AMMECR1: variants seen among roughly 807,000 people sequenced by gnomAD.
The protein encoded by AMMECR1 is nuclear protein AMMECR1.
A neutral mutation model predicts 22.5 loss-of-function variants in AMMECR1; 3 were observed. The ratio of observed to expected loss-of-function variants is 0.13; its 90% CI spans 0.06 to 0.35. The LOEUF is 0.35. Among genes scored for constraint, AMMECR1 ranks in the 10% least tolerant of loss-of-function variants. The probability of loss-of-function intolerance (pLI) is 1.00; values close to 1 mark genes in which losing one functional copy is unlikely to be tolerated. For synonymous variants in AMMECR1, 130 were observed against 116.7 expected (o/e 1.11, Z -0.74); for missense variants, 235 against 278.7 (o/e 0.84, Z 1.12).
intron 2 of AMMECR1, among the ~76,000 whole-genome samples, chrX:110,403,285 A>C (rs2068577099): frequency 8.9e-6 from 1 of 112,236 alleles, no homozygotes; most frequent in South Asian, 3.7e-4. Context: ...GGTACTATGG[A>C]GCTAAATAAT....
chrX:110,231,070 G>A (rs1255381507), intron 2 of AMMECR1, among the ~76,000 whole-genome samples: 1 of 112,376 alleles, frequency 8.9e-6, no homozygotes, highest in East Asian at 2.8e-4. Context: ...ACCTGAAAGT[G>A]ATGGGGAGAA....
chrX:110,350,836 G>A (rs1367007303), intron 2 of AMMECR1, among the ~76,000 whole-genome samples: 2 of 110,077 alleles, frequency 1.8e-5, no homozygotes, highest in African/African-American at 6.6e-5. Flanking sequence ...GCTGGGCATG[G>A]TGGCACGCAC....
intron 2 of AMMECR1, among the ~76,000 whole-genome samples, chrX:110,238,427 G>A (rs778149076): frequency 1.1e-4 from 12 of 112,188 alleles, no homozygotes; most frequent in South Asian, 3.7e-4. Context: ...AAACAAAGCC[G>A]CCAGGAAGTT....
intron 2 of AMMECR1, among the ~76,000 whole-genome samples, chrX:110,323,209 A>G (rs2068085756): frequency 8.9e-6 from 1 of 112,392 alleles, no homozygotes; most frequent in African/African-American, 3.2e-5. Flanking sequence ...TTTCCTCCAG[A>G]ATTCTCTGGT....
intron 2 of AMMECR1, chrX:110,225,020 C>A (rs1303565222): frequency 2.7e-6 from 1 of 373,299 alleles, no homozygotes; most frequent in Non-Finnish European, 5.2e-6. Flanking sequence ...TCCTCACTAC[C>A]ACATGGGGAT....
intron 2 of AMMECR1, among the ~76,000 whole-genome samples, chrX:110,376,146 A>G (rs2068375285): frequency 9.0e-6 from 1 of 111,444 alleles, no homozygotes; most frequent in African/African-American, 3.3e-5. Context: ...GCCAGTGGGA[A>G]AAAAACTGCA....
intron 2 of AMMECR1, among the ~76,000 whole-genome samples, chrX:110,354,620 C>T (rs2068223381): frequency 9.0e-6 from 1 of 111,731 alleles, no homozygotes; most frequent in African/African-American, 3.3e-5. Flanking sequence ...CTATTATAAT[C>T]AAAACAGCAT....
intron 2 of AMMECR1, among the ~76,000 whole-genome samples, chrX:110,425,920 G>T (rs995282586): frequency 8.9e-6 from 1 of 112,314 alleles, no homozygotes; most frequent in Non-Finnish European, 1.9e-5. Context: ...TTTATTGAGT[G>T]CTCTGTGTCA....
chrX:110,216,681 C>G, intron 2 of AMMECR1, 49 bp from the exon 3 acceptor site: 2 of 828,598 alleles, frequency 2.4e-6, no homozygotes, highest in African/African-American at 4.1e-5. Context: ...TATGAAAGTT[C>G]CCAATTTCAA....
chrX:110,215,086 A>G (rs1265794585), intron 3 of AMMECR1, among the ~76,000 whole-genome samples: 2 of 112,360 alleles, frequency 1.8e-5, no homozygotes, highest in African/African-American at 6.5e-5. Flanking sequence ...GCAAATAATA[A>G]ATCAGAAATT....
In AMMECR1 at chrX:110,198,356, C is replaced by T. The variant is rs1036708957; in HGVS notation, c.*164G>A. ...TCTTAACAAATGCCATTTTTCTACC[C>T]GTTACCATGATGATCTTAGTTGACG... On this transcript the variant is annotated 3_prime_UTR_variant, in exon 6 of 6. Coordinates refer to ENST00000262844, the MANE Select transcript of AMMECR1 (RefSeq NM_015365.3). 9 of 305,381 alleles carry T rather than the reference C, an allele frequency of 2.9e-5. No homozygotes were observed. The Admixed American group carries it at 4.6e-4, about 15-fold the overall frequency. 25.2% of individuals were successfully genotyped at this position (305,381 alleles called of 1,213,427 possible). A position where few individuals can be genotyped will look rare whatever the true frequency, so the allele number is the denominator to read the frequency against.
chrX:110,427,780 G>A (rs374429265), intron 1 of AMMECR1, among the ~76,000 whole-genome samples: 1 of 111,963 alleles, frequency 8.9e-6, no homozygotes, highest in Non-Finnish European at 1.9e-5. Context: ...GCTCTTGCTT[G>A]TTCATTCTAG....
At chrX:110,403,467 C>T (rs1354467291) in intron 2 of AMMECR1, among the ~76,000 whole-genome samples, 1 of 111,463 alleles carries the variant, frequency 9.0e-6, no homozygotes, top group Non-Finnish European at 1.9e-5. Flanking sequence ...CACACACACA[C>T]GCATGCGCGC....
intron 2 of AMMECR1, among the ~76,000 whole-genome samples, chrX:110,391,098 C>A (rs1357704574): frequency 9.0e-6 from 1 of 111,691 alleles, no homozygotes; most frequent in African/African-American, 3.3e-5. Flanking sequence ...TAGTGATCTT[C>A]AGTATTAAAA....
intron 2 of AMMECR1, among the ~76,000 whole-genome samples, chrX:110,421,567 T>C (rs1484643043): frequency 8.9e-6 from 1 of 112,775 alleles, no homozygotes; most frequent in Non-Finnish European, 1.9e-5. Context: ...TTTGCATTTA[T>C]CGACAGGTAT....
chrX:110,282,096 C>A (rs1270713720), intron 1 of AMMECR1, among the ~76,000 whole-genome samples: 1 of 111,860 alleles, frequency 8.9e-6, no homozygotes, highest in African/African-American at 3.2e-5. Flanking sequence ...AAATTTACAT[C>A]AAAGGCATAA....
chrX:110,282,419 G>A (rs1423891221), intron 1 of AMMECR1, among the ~76,000 whole-genome samples: 1 of 110,870 alleles, frequency 9.0e-6, no homozygotes, highest in Non-Finnish European at 1.9e-5. Context: ...CTTGGACACA[G>A]ATATGCAAGA....
chrX:110,409,684 C>A (rs771107958), intron 2 of AMMECR1, among the ~76,000 whole-genome samples: 2 of 108,432 alleles, frequency 1.8e-5, no homozygotes, highest in African/African-American at 6.8e-5. Context: ...ATCAATAATA[C>A]GTGTACTCCT....
At chrX:110,430,521 C>T (rs1004091455) in intron 1 of AMMECR1, among the ~76,000 whole-genome samples, 1 of 111,726 alleles carries the variant, frequency 9.0e-6, no homozygotes, top group African/African-American at 3.3e-5. Flanking sequence ...AACCCAGGCA[C>T]CCTAGAGACA....
Sources: allele counts gnomAD v4.1 joint callset (sites outside exome capture counted in the v4.1 genomes callset), GRCh38; gene constraint gnomAD v4.1.1; transcripts MANE v1.5; gene names NCBI Gene and HGNC (gene_info 2026-07-23, HGNC 2026-07-21).